The following PHTF2 variants were observed in gnomAD, a reference collection of about 807,000 sequenced individuals.
PHTF2 encodes putative homeodomain transcription factor 2, also known as protein PHTF2.
A neutral mutation model predicts 101.2 loss-of-function variants in PHTF2; 60 were observed. The ratio of observed to expected loss-of-function variants is 0.59; its 90% CI spans 0.48 to 0.73. The LOEUF is 0.73. PHTF2 is among the 30% of genes least tolerant of loss of function. The pLI is 0.00. For missense variants in PHTF2, 747 were observed against 908.7 expected (o/e 0.82, Z 2.29); for synonymous variants, 311 against 307.3 (o/e 1.01, Z -0.13).
At chr7:77,912,298 G>C (rs1008818285) in intron 9 of PHTF2, among the ~76,000 whole-genome samples, 1 of 152,150 alleles carries the variant, frequency 6.6e-6, no homozygotes, top group Non-Finnish European at 1.5e-5. Flanking sequence ...TCATTTTGGG[G>C]CTGGTTTGCT....
At chr7:77,953,794 A>T in exon 19 of PHTF2, 1 of 1,613,308 alleles carries the variant, frequency 6.2e-7, no homozygotes, top group South Asian at 1.1e-5. Flanking sequence ...TTTAGATTAT[A>T]TGGGCTTACA....
At chr7:77,893,760 T>C in intron 4 of PHTF2, 96 bp downstream of exon 3, 3 of 630,034 alleles carry the variant, frequency 4.8e-6, no homozygotes, top group South Asian at 4.5e-5. Context: ...TTTTAAGATA[T>C]AAATTACTAT....
chr7:77,914,200 A>C (rs1311657715), intron 9 of PHTF2, among the ~76,000 whole-genome samples: 1 of 152,218 alleles, frequency 6.6e-6, no homozygotes, highest in African/African-American at 2.4e-5. Flanking sequence ...AAACCCACTG[A>C]AATACAGTGT....
intron 19 of PHTF2, among the ~76,000 whole-genome samples, chr7:77,954,644 A>ATG (rs1173025211): frequency 7.0e-6 from 1 of 143,648 alleles, no homozygotes; most frequent in Non-Finnish European, 1.5e-5. Flanking sequence ...ATATATATAT[A>ATG]TAGCCACTTC....
chr7:77,932,601 A>G (rs889466794), intron 12 of PHTF2, among the ~76,000 whole-genome samples: 5 of 122,214 alleles, frequency 4.1e-5, no homozygotes, highest in South Asian at 2.7e-4. Context: ...AGAGAGAGAG[A>G]AAGAGAGAGA....
chr7:77,929,368 G>T (rs919285354), intron 12 of PHTF2, 41 bp downstream of exon 11: 17 of 966,066 alleles, frequency 1.8e-5, no homozygotes, highest in Non-Finnish European at 2.6e-5. Flanking sequence ...TATGAGTCAA[G>T]CTCCTTTGAA....
intron 5 of PHTF2, among the ~76,000 whole-genome samples, chr7:77,896,189 A>T (rs1471825609): frequency 6.6e-6 from 1 of 152,122 alleles, no homozygotes; most frequent in African/African-American, 2.4e-5. Context: ...GTACATGTGC[A>T]ATTTTGTTGC....
chr7:77,881,582 G>A (rs574947654), intron 3 of PHTF2, among the ~76,000 whole-genome samples: 24 of 150,724 alleles, frequency 1.6e-4, no homozygotes, highest in Non-Finnish European at 2.4e-4. Flanking sequence ...TGTTGCCCAC[G>A]TTGGTCTTGA....
intron 3 of PHTF2, among the ~76,000 whole-genome samples, chr7:77,870,312 T>A (rs941101995): frequency 1.3e-5 from 2 of 151,868 alleles, no homozygotes; most frequent in Admixed American, 6.6e-5. Context: ...GGAAAAAAAT[T>A]ATATATATGA....
At chr7:77,926,209 G>A (rs1200635297) in intron 11 of PHTF2, among the ~76,000 whole-genome samples, 1 of 152,154 alleles carries the variant, frequency 6.6e-6, no homozygotes, top group Middle Eastern at 3.2e-3. Context: ...TGCAACAGAC[G>A]TTATATATAA....
intron 12 of PHTF2, among the ~76,000 whole-genome samples, chr7:77,932,269 G>A (rs1310232648): frequency 1.3e-5 from 2 of 152,182 alleles, no homozygotes; most frequent in South Asian, 2.1e-4. Context: ...AAAGAGATAC[G>A]GAAGAAAATG....
chr7:77,853,672 G>A (rs1796946408), intron 2 of PHTF2, among the ~76,000 whole-genome samples: 1 of 151,926 alleles, frequency 6.6e-6, no homozygotes, highest in Non-Finnish European at 1.5e-5. Flanking sequence ...GGGATTACAG[G>A]TATGAGCCAC....
At chr7:77,927,220 A>C (rs1562957645) in intron 11 of PHTF2, among the ~76,000 whole-genome samples, 1 of 131,960 alleles carries the variant, frequency 7.6e-6, no homozygotes, top group Admixed American at 7.7e-5. Context: ...ACACACACAC[A>C]CACAAACACA....
intron 3 of PHTF2, among the ~76,000 whole-genome samples, chr7:77,860,915 G>A (rs1021030561): frequency 1.1e-4 from 16 of 151,968 alleles, no homozygotes; most frequent in African/African-American, 3.4e-4. Flanking sequence ...TGCTGCCCAG[G>A]CTGGTCTCGA....
rs182628354 is a variant in PHTF2, at chr7:77,943,173, T to G, written c.1959+387T>G. Among the ~76,000 whole-genome samples the G allele has an allele frequency of 1.2e-3, 188 of 152,316 alleles. 2 individuals carry two copies. In the East Asian group the frequency reaches 0.034, roughly 28 times the overall value. ...GTCTCGCTCTGTCGCGCAGGCGGAG[T>G]GCAGTGGCGCGATCTCGGCTCACTG... On this transcript the variant is annotated intron_variant, in intron 16 of 19. Coordinates refer to ENST00000416283, the Ensembl canonical transcript of PHTF2.
At chr7:77,927,177 A>AAAAAAAAAAAAAT (rs1554388762) in intron 11 of PHTF2, among the ~76,000 whole-genome samples, 3 of 78,160 alleles carry the variant, frequency 3.8e-5, no homozygotes, top group Non-Finnish European at 7.3e-5. Context: ...AAAAAAAAAA[A>AAAAAAAAAAAAAT]ATATATATAT....
chr7:77,826,321 C>T (rs531424672), intron 1 of PHTF2, among the ~76,000 whole-genome samples: 1 of 152,282 alleles, frequency 6.6e-6, no homozygotes. Flanking sequence ...AGTTGTCAAC[C>T]AGAAGTATTA....
intron 1 of PHTF2, among the ~76,000 whole-genome samples, chr7:77,803,769 G>T (rs1792753999): frequency 6.6e-6 from 1 of 151,546 alleles, no homozygotes; most frequent in Non-Finnish European, 1.5e-5. Context: ...AGAGAAGCCA[G>T]AAAATGGCAA....
Position 77,841,280 on chromosome 7 carries a change from G to A in PHTF2, c.45+980G>A, listed in dbSNP as rs534776254. 3.3e-5 allele frequency among the ~76,000 whole-genome samples: 5 copies of A among 151,528 alleles called. No individual in the cohort carries two copies. In the South Asian group the frequency reaches 6.3e-4, roughly 19 times the overall value. On this transcript the variant is annotated intron_variant, in intron 2 of 19. Coordinates refer to ENST00000416283, the Ensembl canonical transcript of PHTF2. ...TATTTAGTAGAGACAGGGTTTCGCC[G>A]TGTTGGTCAGGCTGATCTTGAACTC... is the stretch of plus-strand genomic sequence containing the variant.
Sources: gnomAD v4.1 joint callset for allele counts (sites outside exome capture counted in the v4.1 genomes callset) on GRCh38, gnomAD v4.1.1 for gene constraint, MANE v1.5 for transcripts, NCBI Gene and HGNC (gene_info 2026-07-23, HGNC 2026-07-21) for gene names.